The following APLF variants were observed in gnomAD, a reference collection of about 807,000 sequenced individuals.
The protein encoded by APLF is aprataxin and PNK-like factor.
Under a neutral mutation model 55.6 loss-of-function variants are expected in APLF, and 61 were observed. The observed-to-expected ratio is 1.10, with a 90% CI of 0.89 to 1.36. APLF has a LOEUF of 1.36. Among genes scored for constraint, APLF ranks in the 40% most tolerant of loss-of-function variants. The probability of loss-of-function intolerance (pLI) is 0.00; values close to 1 mark genes in which losing one functional copy is unlikely to be tolerated. For missense variants in APLF, 611 were observed against 602.5 expected (o/e 1.01, Z -0.15); for synonymous variants, 207 against 214.8 (o/e 0.96, Z 0.32).
intron 9 of APLF, among the ~76,000 whole-genome samples, chr2:68,573,672 C>CAAAA (rs67959075): frequency 1.1e-5 from 1 of 93,042 alleles, no homozygotes; most frequent in Non-Finnish European, 2.2e-5. Context: ...GACCTTGTCT[C>CAAAA]AAAAAAAAAA....
intron 8 of APLF, among the ~76,000 whole-genome samples, chr2:68,559,052 A>G (rs915485067): frequency 2.0e-5 from 3 of 152,204 alleles, no homozygotes; most frequent in Non-Finnish European, 4.4e-5. Context: ...AAAGTGATAA[A>G]GTGTTTTTAA....
At chr2:68,550,530 C>T (rs762891649) in intron 8 of APLF, among the ~76,000 whole-genome samples, 1 of 152,042 alleles carries the variant, frequency 6.6e-6, no homozygotes, top group Non-Finnish European at 1.5e-5. Context: ...CCACACCAAC[C>T]CCATTTACAT....
rs1353068374 is a variant in APLF at position 68,577,852 on chromosome 2, G to A, written c.1366G>A (p.Val456Ile). The A allele has an allele frequency of 1.2e-6, 2 of 1,613,454 alleles. No homozygotes were observed. Among genetic ancestry groups the A allele is most frequent in the Non-Finnish European group, 8.5e-7 (1 of 1,179,626 alleles). ...RNVLDEDNDN[V>I]GQPNEYDLND... ...TGTTTTAGATGAAGATAATGATAAT[G>A]TTGGGCAACCCAATGAGTATGACCT... is the stretch of plus-strand genomic sequence containing the variant. Residue 456 changes from valine to isoleucine, a missense_variant, in exon 10 of 10, where the codon GTT (valine) becomes ATT (isoleucine). Transcript: ENST00000303795.
chr2:68,560,932 C>T (rs1671150423), intron 8 of APLF, among the ~76,000 whole-genome samples: 2 of 151,918 alleles, frequency 1.3e-5, no homozygotes, highest in African/African-American at 2.4e-5. Flanking sequence ...GGTATTTTGC[C>T]TTGTTATGAA....
intron 9 of APLF, among the ~76,000 whole-genome samples, chr2:68,575,691 A>G (rs557681458): frequency 2.0e-5 from 3 of 152,088 alleles, no homozygotes; most frequent in Non-Finnish European, 4.4e-5. Context: ...TGACTACAAG[A>G]TTTCTTGCTA....
At chr2:68,528,357 G>T in intron 6 of APLF, 3 of 1,528,164 alleles carry the variant, frequency 2.0e-6, no homozygotes, top group Middle Eastern at 2.3e-4. Flanking sequence ...CCTTCTCTTT[G>T]GGAAGCCTGA....
intron 7 of APLF, among the ~76,000 whole-genome samples, chr2:68,544,932 T>G (rs1445935640): frequency 6.6e-6 from 1 of 152,214 alleles, no homozygotes; most frequent in African/African-American, 2.4e-5. Flanking sequence ...GCAAGTTGTC[T>G]ATTGATATCA....
chr2:68,522,148 T>C (rs906572645), intron 5 of APLF, among the ~76,000 whole-genome samples: 8 of 151,910 alleles, frequency 5.3e-5, no homozygotes, highest in African/African-American at 1.9e-4. Flanking sequence ...TTATTCCTGA[T>C]TTTAATAGAA....
At chr2:68,509,994 C>T (rs1161806283) in intron 3 of APLF, among the ~76,000 whole-genome samples, 2 of 146,764 alleles carry the variant, frequency 1.4e-5, no homozygotes, top group Non-Finnish European at 3.0e-5. Flanking sequence ...TGCATGTTCT[C>T]ACTCATAGGT....
At chr2:68,536,750 A>T (rs959720598) in intron 6 of APLF, among the ~76,000 whole-genome samples, 7 of 152,158 alleles carry the variant, frequency 4.6e-5, no homozygotes, top group Non-Finnish European at 7.4e-5. Context: ...TCTTTTTCCA[A>T]GTTGGTCAGA....
chr2:68,470,559 G>A (rs72900056), intron 1 of APLF, among the ~76,000 whole-genome samples: 16,236 of 152,036 alleles, frequency 0.11, 2,569 homozygotes, highest in African/African-American at 0.35. Context: ...AATTTAAAAG[G>A]GTTTTACAGT....
At chr2:68,517,335 A>G (rs1447535372) in intron 5 of APLF, among the ~76,000 whole-genome samples, 3 of 124,548 alleles carry the variant, frequency 2.4e-5, no homozygotes, top group Non-Finnish European at 3.3e-5. Flanking sequence ...TCATTACTAT[A>G]TAATATATTA....
intron 9 of APLF, among the ~76,000 whole-genome samples, chr2:68,572,289 T>TA (rs1272574187): frequency 6.6e-6 from 1 of 152,052 alleles, no homozygotes; most frequent in Non-Finnish European, 1.5e-5. Context: ...TTAGTGCATT[T>TA]AAAAAAATTA....
intron 5 of APLF, among the ~76,000 whole-genome samples, chr2:68,520,968 T>A (rs112432295): frequency 0.025 from 3,848 of 152,210 alleles, 63 homozygotes; most frequent in South Asian, 0.043. Context: ...ATGTTCCCAT[T>A]TGTTTGTGTC....
intron 7 of APLF, among the ~76,000 whole-genome samples, chr2:68,543,916 T>C (rs1258301826): frequency 6.6e-6 from 1 of 152,128 alleles, no homozygotes. Context: ...TCTTAAAGTA[T>C]GATCCAGAGA....
chr2:68,533,632 G>C (rs1670317113), intron 6 of APLF, among the ~76,000 whole-genome samples: 1 of 152,162 alleles, frequency 6.6e-6, no homozygotes, highest in Admixed American at 6.5e-5. Flanking sequence ...ATCTGTGATA[G>C]CTTTACTCGT....
intron 6 of APLF, chr2:68,528,511 G>A (rs1031369532): frequency 1.2e-4 from 188 of 1,533,664 alleles, no homozygotes; most frequent in Admixed American, 6.5e-4. Flanking sequence ...ACCTGTGGCC[G>A]GCAGCTCTGG....
chr2:68,563,106 A>T lies in APLF; in HGVS notation c.1287-4235A>T, dbSNP rs1671210866. ...TTCTTTTGCTTTAGGTTGGAAGTTC[A>T]GTGTCCAGTTGAAAAACACCAACTC... is the stretch of plus-strand genomic sequence containing the variant. On this transcript the variant is annotated intron_variant, in intron 8 of 9. Coordinates refer to ENST00000303795, the MANE Select transcript of APLF (RefSeq NM_173545.3). 3.0e-6 allele frequency: 3 copies of T among 985,220 alleles called. No homozygotes were observed. The South Asian group carries it at 1.4e-4, about 46-fold the overall frequency. The allele number at this position is 985,220 out of a possible 1,614,324, so 61.0% of individuals were successfully genotyped here. A position where few individuals can be genotyped will look rare whatever the true frequency, so the allele number is the denominator to read the frequency against.
chr2:68,469,687 A>C lies in APLF; in HGVS notation c.96+1860A>C, dbSNP rs547747533. ...ACAGATGCACTCGATTCTTCTCTGC[A>C]CTGGTTAAAACACAACATAAGGGCT... On this transcript the variant is annotated intron_variant, in intron 1 of 9. Coordinates refer to ENST00000303795, the MANE Select transcript of APLF (RefSeq NM_173545.3). Among the ~76,000 whole-genome samples the C allele has an allele frequency of 1.1e-4, 17 of 152,332 alleles. 1 individual carries two copies. The East Asian group carries it at 1.4e-3, about 12-fold the overall frequency.
Sources: allele counts gnomAD v4.1 joint callset (sites outside exome capture counted in the v4.1 genomes callset), GRCh38; gene constraint gnomAD v4.1.1; transcripts MANE v1.5; gene names NCBI Gene and HGNC (gene_info 2026-07-23, HGNC 2026-07-21).